Variants in SRI observed in about 807,000 individuals in gnomAD.
The protein encoded by SRI is sorcin, also known as 22 kDa protein.
A neutral mutation model predicts 33.3 loss-of-function variants in SRI; 30 were observed. The observed-to-expected ratio is 0.90, with a 90% confidence interval of 0.67 to 1.22. The LOEUF is 1.22. Among genes scored for constraint, SRI ranks in the 50% most tolerant of loss-of-function variants. SRI has a pLI of 0.00. For missense variants in SRI, 243 were observed against 250.8 expected (o/e 0.97, Z 0.21); for synonymous variants, 75 against 89.9 (o/e 0.83, Z 0.94).
chr7:88,214,359 A>G (rs1851655732), intron 3 of SRI, among the ~76,000 whole-genome samples: 1 of 152,168 alleles, frequency 6.6e-6, no homozygotes. Flanking sequence ...ATTACAGAGG[A>G]CCTTGAATTC....
At chr7:88,216,212 A>C (rs943717738) in intron 3 of SRI, among the ~76,000 whole-genome samples, 2 of 152,070 alleles carry the variant, frequency 1.3e-5, no homozygotes, top group Non-Finnish European at 2.9e-5. Context: ...TCCCGGGCTC[A>C]AGCAATCCTC....
chr7:88,213,002 A>G (rs996087817), intron 3 of SRI, among the ~76,000 whole-genome samples: 1 of 152,158 alleles, frequency 6.6e-6, no homozygotes, highest in African/African-American at 2.4e-5. Context: ...TGTCTCTGTT[A>G]ATGAATGGCA....
upstream of SRI, among the ~76,000 whole-genome samples, chr7:88,223,422 C>T (rs1234836224): frequency 6.6e-6 from 1 of 152,072 alleles, no homozygotes; most frequent in African/African-American, 2.4e-5. Context: ...CACCCAGGGG[C>T]AGGTAAAGGG....
intron 3 of SRI, among the ~76,000 whole-genome samples, chr7:88,212,550 G>A (rs1352554502): frequency 6.6e-6 from 1 of 152,154 alleles, no homozygotes; most frequent in Non-Finnish European, 1.5e-5. Context: ...TTTTTAAAAA[G>A]CTTTTCAGAT....
chr7:88,220,011 G>A lies in SRI; in HGVS notation c.16C>T (p.His6Tyr). 2.0e-6 allele frequency: 3 copies of A among 1,534,488 alleles called. No homozygotes were observed. In the South Asian group the frequency reaches 3.6e-5, roughly 18 times the overall value. ...TAGTACCCGCCGCCGGCGCCAGGAT[G>A]CCCCGGGTACGCCATGCTGCAGACT... MAYPG[H>Y]PGAGGGYYPG... is the part of the protein sequence containing the mutation. Residue 6 changes from histidine (H) to tyrosine (Y), a missense_variant, in exon 1 of 8, where the codon CAT becomes TAT. By Grantham distance (83) the His-to-Tyr change is moderately conservative. Coordinates refer to ENST00000265729, the MANE Select transcript of SRI (RefSeq NM_003130.4).
intron 6 of SRI, 104 bp from the exon 7 acceptor site, chr7:88,208,669 A>C (rs1349481310): frequency 2.0e-6 from 3 of 1,507,884 alleles, no homozygotes; most frequent in African/African-American, 1.4e-5. Flanking sequence ...AGTAACATTT[A>C]AATTGTGCAA....
At chr7:88,208,761 G>C in intron 6 of SRI, 196 bp from the exon 7 acceptor site, 2 of 762,288 alleles carry the variant, frequency 2.6e-6, no homozygotes, top group Non-Finnish European at 4.0e-6. Context: ...AAAGTAACAG[G>C]CAGAAGTTGG....
upstream of SRI, among the ~76,000 whole-genome samples, chr7:88,221,944 T>C (rs1374662394): frequency 6.7e-6 from 1 of 148,990 alleles, no homozygotes; most frequent in African/African-American, 2.5e-5. Context: ...CGGTGTTTGG[T>C]TTTTTGGTCT....
intron 3 of SRI, among the ~76,000 whole-genome samples, chr7:88,211,473 C>T (rs1851578183): frequency 2.0e-5 from 3 of 151,978 alleles, no homozygotes; most frequent in Admixed American, 2.0e-4. Flanking sequence ...AAAAGTATTA[C>T]ATAGTACTGT....
chr7:88,223,989 A>G (rs142763479), upstream of SRI, among the ~76,000 whole-genome samples: 116 of 152,362 alleles, frequency 7.6e-4, no homozygotes, highest in African/African-American at 2.7e-3. Flanking sequence ...GATAGGATGC[A>G]GGTCATGGTT....
chr7:88,221,771 C>T (rs1298621109), upstream of SRI, among the ~76,000 whole-genome samples: 2 of 151,622 alleles, frequency 1.3e-5, no homozygotes, highest in African/African-American at 4.9e-5. Context: ...ATGTGCCATG[C>T]TGGTGCGCTG....
In SRI at chr7:88,220,010, T is replaced by A. The variant is rs1231993257; in HGVS notation, c.17A>T (p.His6Leu). Residue 6 changes from histidine (H) to leucine (L), a missense_variant, in exon 1 of 8, where the codon CAT becomes CTT. Coordinates refer to ENST00000265729, the MANE Select transcript of SRI (RefSeq NM_003130.4). The stretch of plus-strand genomic sequence containing the variant: ...GTAGTACCCGCCGCCGGCGCCAGGA[T>A]GCCCCGGGTACGCCATGCTGCAGAC... MAYPG[H>L]PGAGGGYYPG... 2 of 1,534,742 alleles carry A rather than the reference T, an allele frequency of 1.3e-6. No individual in the cohort carries two copies. The highest frequency in any genetic ancestry group is 2.5e-5 in the East Asian group (1 of 40,482).
upstream of SRI, among the ~76,000 whole-genome samples, chr7:88,222,455 T>G (rs1228571765): frequency 1.3e-5 from 2 of 149,852 alleles, no homozygotes; most frequent in Admixed American, 1.3e-4. Flanking sequence ...TGAGCATTTT[T>G]TCATGTGTTT....
At chr7:88,218,830 G>A (rs1244301063) in intron 2 of SRI, 29 bp downstream of exon 2, 6 of 1,598,392 alleles carry the variant, frequency 3.8e-6, no homozygotes, top group Non-Finnish European at 4.3e-6. Flanking sequence ...GACAATAACG[G>A]CTCTTTAATA....
intron 2 of SRI, among the ~76,000 whole-genome samples, chr7:88,217,904 A>G (rs59406550): frequency 0.047 from 7,228 of 152,276 alleles, 594 homozygotes; most frequent in African/African-American, 0.16. Flanking sequence ...TCAAAGATAC[A>G]GATCATTAAC....
chr7:88,217,352 G>A (rs1197344431), intron 2 of SRI, among the ~76,000 whole-genome samples, 161 bp from the exon 3 acceptor site: 1 of 152,126 alleles, frequency 6.6e-6, no homozygotes, highest in Non-Finnish European at 1.5e-5. Flanking sequence ...CCAAAAGTGG[G>A]CATTCTTTTC....
At chr7:88,223,810 T>C (rs1043576887), upstream of SRI, among the ~76,000 whole-genome samples, 133 of 152,160 alleles carry the variant, frequency 8.7e-4, no homozygotes, top group Middle Eastern at 3.2e-3. Flanking sequence ...AATGCGGGCT[T>C]ATGACTCTGG....
At chr7:88,215,649 GAT>G (rs1851691253) in intron 3 of SRI, among the ~76,000 whole-genome samples, 1 of 152,100 alleles carries the variant, frequency 6.6e-6, no homozygotes, top group Non-Finnish European at 1.5e-5. Context: ...AGAGTAATAG[GAT>G]ACTAAAGTCA....
chr7:88,216,835 T>A, intron 3 of SRI: 1 of 447,936 alleles, frequency 2.2e-6, no homozygotes, highest in Non-Finnish European at 4.1e-6. Flanking sequence ...AGTGCAGTGG[T>A]ACAATCATAG....
Sources: allele counts gnomAD v4.1 joint callset (sites outside exome capture counted in the v4.1 genomes callset), GRCh38; gene constraint gnomAD v4.1.1; transcripts MANE v1.5; gene names NCBI Gene and HGNC (gene_info 2026-07-23, HGNC 2026-07-21).